Variants in MEI4 observed in about 807,000 individuals in gnomAD.
MEI4 encodes the protein meiotic double-stranded break formation protein 4, also known as meiosis-specific protein MEI4.
MEI4 carries 27 observed loss-of-function variants against 31.4 expected under a neutral mutation model. The observed-to-expected ratio is 0.86, with a 90% confidence interval of 0.63 to 1.19. The LOEUF (loss-of-function observed/expected upper bound fraction) is 1.19, where lower values mean the gene tolerates loss of function less well. MEI4 is among the 50% of genes most tolerant of loss of function. The pLI is 0.00. For synonymous variants in MEI4, 122 were observed against 145.4 expected (o/e 0.84, Z 1.16); for missense variants, 329 against 398.9 (o/e 0.82, Z 1.49).
chr6:77,852,674 C>G (rs2127718806), intron 4 of MEI4, among the ~76,000 whole-genome samples: 1 of 151,268 alleles, frequency 6.6e-6, no homozygotes, highest in Admixed American at 6.6e-5. Flanking sequence ...ATGGTGCCTC[C>G]TAGCTGCATC....
chr6:77,829,965 A>G (rs1770038352), intron 4 of MEI4, among the ~76,000 whole-genome samples: 1 of 152,136 alleles, frequency 6.6e-6, no homozygotes, highest in African/African-American at 2.4e-5. Flanking sequence ...AATGACTACA[A>G]AATGACAAAC....
At chr6:77,801,130 T>C (rs918898807) in intron 3 of MEI4, among the ~76,000 whole-genome samples, 15 of 152,218 alleles carry the variant, frequency 9.9e-5, no homozygotes, top group Non-Finnish European at 1.9e-4. Context: ...CCTGGACTTT[T>C]GTTGGTTGGT....
At chr6:77,744,328 G>A (rs1161923635) in intron 2 of MEI4, among the ~76,000 whole-genome samples, 1 of 152,128 alleles carries the variant, frequency 6.6e-6, no homozygotes, top group African/African-American at 2.4e-5. Context: ...GAATGCAGAA[G>A]CCTCAGGAGC....
rs190103569 is a variant in MEI4, at chr6:77,862,936, G to A, written c.900+33874G>A. Among the ~76,000 whole-genome samples the A allele has an allele frequency of 2.5e-3, 377 of 152,284 alleles. 12 individuals carry two copies. The East Asian group carries it at 0.064, about 26-fold the overall frequency. ...GTTCACCAATATCTGCTGTTCTGCA[G>A]CCTCCACTGCTGATACCCAGGCAAA... is the stretch of plus-strand genomic sequence containing the variant. On this transcript the variant is annotated intron_variant, in intron 4 of 4. Transcript: ENST00000684080.
intron 1 of MEI4, among the ~76,000 whole-genome samples, chr6:77,685,060 G>C (rs943318354): frequency 6.6e-6 from 1 of 152,122 alleles, no homozygotes; most frequent in Admixed American, 6.6e-5. Context: ...GGGATGAGAC[G>C]ATATCTAATT....
In MEI4 at chr6:77,874,188, C is replaced by T. The variant is rs1366328018; in HGVS notation, c.900+45126C>T. On this transcript the variant is annotated intron_variant, in intron 4 of 4. Coordinates refer to ENST00000684080, the MANE Select transcript of MEI4 (RefSeq NM_001322247.2). ...GGGATGGCATTGAATCTATTAATTA[C>T]CTTGGGCAATATGGCCATTTTCACA... Among the ~76,000 whole-genome samples, 4 of 152,306 alleles carry T rather than the reference C, an allele frequency of 2.6e-5. No individual in the cohort carries two copies. In the East Asian group the frequency reaches 7.7e-4, roughly 29 times the overall value.
intron 2 of MEI4, among the ~76,000 whole-genome samples, chr6:77,749,840 A>AG (rs1767720903): frequency 6.6e-6 from 1 of 152,194 alleles, no homozygotes; most frequent in Admixed American, 6.6e-5. Flanking sequence ...GGTTGAAATG[A>AG]GGGAAAAAAT....
At chr6:77,906,644 C>A (rs1032785006) in intron 4 of MEI4, among the ~76,000 whole-genome samples, 4 of 152,106 alleles carry the variant, frequency 2.6e-5, no homozygotes, top group Admixed American at 2.0e-4. Flanking sequence ...TCCGTGGTGG[C>A]ACTGGAGTCC....
intron 2 of MEI4, among the ~76,000 whole-genome samples, chr6:77,701,608 GA>G (rs1300879710): frequency 6.7e-6 from 1 of 149,540 alleles, no homozygotes; most frequent in African/African-American, 2.5e-5. Flanking sequence ...AATATACATA[GA>G]TATATAAATA....
At chr6:77,777,967 G>A (rs9343656) in intron 3 of MEI4, among the ~76,000 whole-genome samples, 2,890 of 151,896 alleles carry the variant, frequency 0.019, 66 homozygotes, top group East Asian at 0.089. Context: ...AAATTATGCC[G>A]ATGAATAAAA....
rs148304631 is a variant in MEI4, at chr6:77,881,716, A to G, written c.901-41373A>G. 1.2e-3 allele frequency among the ~76,000 whole-genome samples: 183 copies of G among 152,268 alleles called. 3 individuals are homozygous for G. Among genetic ancestry groups the G allele is most frequent in the African/African-American group, 4.3e-3 (177 of 41,556 alleles). ...CCTATGCCATCTTCTGTATTAACTG[A>G]CTGATTTTGAGCTGGAAAAAGTGAA... On this transcript the variant is annotated intron_variant, in intron 4 of 4. Coordinates refer to ENST00000684080, the MANE Select transcript of MEI4 (RefSeq NM_001322247.2).
At chr6:77,891,492 G>A (rs7768887) in intron 4 of MEI4, among the ~76,000 whole-genome samples, 32 of 151,998 alleles carry the variant, frequency 2.1e-4, no homozygotes, top group Admixed American at 4.6e-4. Context: ...TATCTTTCTC[G>A]TCTGAATTTC....
rs1308040670 is a variant in MEI4 at position 77,705,169 on chromosome 6, T to C, written c.232+14266T>C. Among the ~76,000 whole-genome samples, 4 of 152,060 alleles carry C rather than the reference T, an allele frequency of 2.6e-5. No homozygotes were observed. In the East Asian group the frequency reaches 7.8e-4, roughly 29 times the overall value. ...TGATTCTTGTTCTAGGAGAACTCTC[T>C]CCCTTCTCCCCTCCATCTTACTGCC... On this transcript the variant is annotated intron_variant, in intron 2 of 4. Coordinates refer to ENST00000684080, the MANE Select transcript of MEI4 (RefSeq NM_001322247.2).
chr6:77,875,009 A>T (rs772503829), intron 4 of MEI4, among the ~76,000 whole-genome samples: 1 of 152,100 alleles, frequency 6.6e-6, no homozygotes, highest in Non-Finnish European at 1.5e-5. Context: ...AGCTGAAGGA[A>T]CCCTTAGCTT....
At chr6:77,733,067 A>G (rs375092365) in intron 2 of MEI4, among the ~76,000 whole-genome samples, 1 of 151,884 alleles carries the variant, frequency 6.6e-6, no homozygotes. Context: ...ATGTTCATCA[A>G]GGATATTGAT....
intron 4 of MEI4, among the ~76,000 whole-genome samples, chr6:77,915,140 T>C (rs1348996698): frequency 1.3e-5 from 2 of 152,112 alleles, no homozygotes; most frequent in Non-Finnish European, 2.9e-5. Flanking sequence ...TCCTTTCCTT[T>C]TATCTATTTG....
At chr6:77,756,195 A>G (rs1767911679) in intron 2 of MEI4, among the ~76,000 whole-genome samples, 2 of 152,314 alleles carry the variant, frequency 1.3e-5, no homozygotes, top group East Asian at 1.9e-4. Flanking sequence ...TCAAACAAGA[A>G]TGGATACTTA....
At chr6:77,875,926 G>A (rs192958723) in intron 4 of MEI4, among the ~76,000 whole-genome samples, 184 of 152,226 alleles carry the variant, frequency 1.2e-3, no homozygotes, top group Middle Eastern at 3.4e-3. Context: ...AATCCAGAGA[G>A]ATTAGGTGAT....
At chr6:77,710,802 C>G (rs1193386414) in intron 2 of MEI4, among the ~76,000 whole-genome samples, 2 of 152,120 alleles carry the variant, frequency 1.3e-5, no homozygotes, top group Non-Finnish European at 1.5e-5. Flanking sequence ...AGACATGATT[C>G]TTTCATAGTC....
Sources: gnomAD v4.1 joint callset for allele counts (sites outside exome capture counted in the v4.1 genomes callset) on GRCh38, gnomAD v4.1.1 for gene constraint, MANE v1.5 for transcripts, NCBI Gene and HGNC (gene_info 2026-07-23, HGNC 2026-07-21) for gene names.